FANCA: variants seen among roughly 807,000 people sequenced by gnomAD.
FANCA encodes the protein FA complementation group A.
Under a neutral mutation model 194.3 loss-of-function variants are expected in FANCA, and 236 were observed. That is an observed-to-expected ratio of 1.21 (90% CI 1.09 to 1.35). The LOEUF (loss-of-function observed/expected upper bound fraction) is 1.35. FANCA is among the 40% of genes most tolerant of loss of function. FANCA has a pLI of 0.00. For missense variants in FANCA, 2,628 were observed against 1,813.9 expected, an observed-to-expected ratio of 1.45 and a Z score of -8.15; for synonymous variants, 1,014 against 715.8, an observed-to-expected ratio of 1.42 and a Z score of -6.65.
chr16:89,807,204 G>C (rs1411214652), intron 6 of FANCA, among the ~76,000 whole-genome samples: 12 of 137,462 alleles, frequency 8.7e-5, no homozygotes, highest in African/African-American at 2.0e-4. Context: ...TTTTTTTTGA[G>C]ATGAAATTCT....
chr16:89,811,877 C>T (rs187746153), intron 3 of FANCA, among the ~76,000 whole-genome samples: 24 of 152,042 alleles, frequency 1.6e-4, no homozygotes, highest in African/African-American at 4.1e-4. Flanking sequence ...ATTACAGGCA[C>T]GCGTCACTAC....
chr16:89,815,181 C>A (rs1322712655), intron 2 of FANCA, among the ~76,000 whole-genome samples: 1 of 151,788 alleles, frequency 6.6e-6, no homozygotes. Context: ...GGATTACAGA[C>A]ACCTGCTACC....
In FANCA at chr16:89,802,625, G is replaced by T. The variant is rs1003003602; in HGVS notation, c.792+634C>A. On this transcript the variant is annotated intron_variant, in intron 8 of 42. Transcript: ENST00000389301. ...TTACCATGTTAGCCAGGATGGTCTC[G>T]ATCTCCTGACCTTGTGATCCGCCCG... Among the ~76,000 whole-genome samples, 5 of 151,318 alleles carry T rather than the reference G, an allele frequency of 3.3e-5. No individual in the cohort carries two copies. The South Asian group carries it at 1.0e-3, about 32-fold the overall frequency.
intron 8 of FANCA, 110 bp downstream of exon 8, chr16:89,803,149 T>C (rs2040515350): frequency 2.8e-6 from 3 of 1,083,650 alleles, no homozygotes; most frequent in Non-Finnish European, 2.9e-6. Flanking sequence ...ATGTACCCCG[T>C]AAATAGGTAC....
chr16:89,757,137 G>A (rs1418817768), intron 30 of FANCA, among the ~76,000 whole-genome samples: 1 of 151,992 alleles, frequency 6.6e-6, no homozygotes, highest in African/African-American at 2.4e-5. Context: ...TACCATGCCT[G>A]GCTAATTTTT....
intron 14 of FANCA, among the ~76,000 whole-genome samples, chr16:89,786,742 A>G (rs2039911448): frequency 6.6e-6 from 1 of 152,362 alleles, no homozygotes; most frequent in East Asian, 1.9e-4. Context: ...GGAAAAACAA[A>G]GCTCAGAGAC....
chr16:89,777,568 A>C (rs993881704), intron 20 of FANCA, among the ~76,000 whole-genome samples: 10 of 151,922 alleles, frequency 6.6e-5, no homozygotes, highest in African/African-American at 2.4e-4. Context: ...TACTAAAAAT[A>C]CAAAAAAAGA....
intron 30 of FANCA, among the ~76,000 whole-genome samples, chr16:89,754,157 G>A (rs1281366367): frequency 1.3e-5 from 2 of 152,124 alleles, no homozygotes; most frequent in African/African-American, 4.8e-5. Flanking sequence ...GAGAGGCGAA[G>A]GTTTCGGTAA....
At chr16:89,749,995 C>T in intron 31 of FANCA, 93 bp from the exon 32 acceptor site, 1 of 1,309,160 alleles carries the variant, frequency 7.6e-7, no homozygotes. Flanking sequence ...GGAGAGGTCT[C>T]CACAGTGGAC....
At chr16:89,763,296 C>G (rs554148543) in intron 28 of FANCA, among the ~76,000 whole-genome samples, 1 of 152,076 alleles carries the variant, frequency 6.6e-6, no homozygotes, top group African/African-American at 2.4e-5. Flanking sequence ...TCACAAAAGG[C>G]TTGGCACAGT....
At chr16:89,816,187 G>A in intron 1 of FANCA, 2 of 611,084 alleles carry the variant, frequency 3.3e-6, no homozygotes, top group Non-Finnish European at 6.0e-6. Context: ...GGCCCAGGAG[G>A]GCCCGAGGCA....
At chr16:89,745,990 G>A (rs1324213657) in intron 35 of FANCA, among the ~76,000 whole-genome samples, 3 of 152,314 alleles carry the variant, frequency 2.0e-5, no homozygotes, top group Non-Finnish European at 2.9e-5. Context: ...GTGCTGCGGA[G>A]AAAAAGGCCC....
At chr16:89,782,824 C>T (rs371314755) in intron 17 of FANCA, 35 bp downstream of exon 17, 1 of 1,587,858 alleles carries the variant, frequency 6.3e-7, no homozygotes. Context: ...GTGGGCGTGA[C>T]TGGCTGAGAC....
Position 89,746,474 on chromosome 16 carries a change from C to A in FANCA, c.3513+110G>T, listed in dbSNP as rs576383184. ...CTTCCATGTCTCCTGATGCATTTTC[C>A]CTGAGATGGTAACACCCGTGATGGA... On this transcript the variant is annotated intron_variant, in intron 35 of 42. Coordinates refer to ENST00000389301, the MANE Select transcript of FANCA (RefSeq NM_000135.4). The A allele has an allele frequency of 2.0e-5, 18 of 881,398 alleles. No individual in the cohort carries two copies. The African/African-American group carries it at 2.8e-4, about 14-fold the overall frequency. The allele number at this position is 881,398 out of a possible 1,614,324, so 54.6% of individuals were successfully genotyped here.
intron 14 of FANCA, among the ~76,000 whole-genome samples, chr16:89,790,457 G>A (rs990520971): frequency 6.7e-6 from 1 of 150,222 alleles, no homozygotes; most frequent in Non-Finnish European, 1.5e-5. Flanking sequence ...AAGGCCAGGT[G>A]CGCTGGCTCA....
rs1274573099 is a variant in FANCA at position 89,749,868 on chromosome 16, A to T, written c.3101T>A (p.Leu1034His). The change falls in exon 32 of 43, where the codon CTC becomes CAC. Residue 1034 changes from leucine (L) to histidine (H), a missense_variant. Transcript: ENST00000389301. ...AGGGGTGTGGCCGAGAGGCACTATG[A>T]GGTCTTGCTGCAGCTCCAGGTCAGC... Reference protein sequence around the residue: ...MVADLELQQDLIVPLGHTPSQ... With the variant: ...MVADLELQQDHIVPLGHTPSQ... 6.2e-7 allele frequency: 1 copy of T among 1,614,190 alleles called. No homozygotes were observed.
chr16:89,750,640 G>T (rs1014630118), intron 31 of FANCA, among the ~76,000 whole-genome samples: 1 of 152,058 alleles, frequency 6.6e-6, no homozygotes, highest in African/African-American at 2.4e-5. Context: ...GGGTGTGGTG[G>T]CAGGCGCCTG....
At chr16:89,751,336 C>T (rs1054065236) in intron 31 of FANCA, among the ~76,000 whole-genome samples, 8 of 152,028 alleles carry the variant, frequency 5.3e-5, no homozygotes, top group African/African-American at 1.9e-4. Context: ...TCCGTCTCTA[C>T]AAAAAATCAG....
chr16:89,778,873 T>C (rs113281982), intron 19 of FANCA, 23 bp from the exon 20 acceptor site: 4 of 1,612,846 alleles, frequency 2.5e-6, no homozygotes, highest in Admixed American at 3.3e-5. Flanking sequence ...AAGAGACCTG[T>C]GAGAGACTGA....
Sources: allele counts gnomAD v4.1 joint callset (sites outside exome capture counted in the v4.1 genomes callset), GRCh38; gene constraint gnomAD v4.1.1; transcripts MANE v1.5; gene names NCBI Gene and HGNC (gene_info 2026-07-23, HGNC 2026-07-21).